DCT: variants seen among roughly 807,000 people sequenced by gnomAD.
DCT encodes L-dopachrome tautomerase.
A neutral mutation model predicts 53.0 loss-of-function variants in DCT; 47 were observed. The ratio of observed to expected loss-of-function variants is 0.89; its 90% CI spans 0.70 to 1.13. The LOEUF (loss-of-function observed/expected upper bound fraction) is 1.13. Ranked by LOEUF, DCT falls within the 50% of genes most tolerant of loss-of-function variation. The probability of loss-of-function intolerance (pLI) is 0.00; values close to 1 mark genes in which losing one functional copy is unlikely to be tolerated. For synonymous variants in DCT, 244 were observed against 237.0 expected, an observed-to-expected ratio of 1.03 and a Z score of -0.27; for missense variants, 669 against 637.4, an observed-to-expected ratio of 1.05 and a Z score of -0.53.
chr13:94,523,757 G>C, the DCT span, among the ~76,000 whole-genome samples: 1,890 of 152,206 alleles, frequency 0.012, 43 homozygotes, highest in African/African-American at 0.043. Flanking sequence ...TTCTTGTCCT[G>C]TATTTACACC....
chr13:94,474,074 A>C (rs1884921476), intron 1 of DCT, among the ~76,000 whole-genome samples: 1 of 152,222 alleles, frequency 6.6e-6, no homozygotes, highest in African/African-American at 2.4e-5. Context: ...TTAATCTACC[A>C]ATGCAAAAAA....
the DCT span, among the ~76,000 whole-genome samples, chr13:94,525,096 A>G: frequency 7.1e-6 from 1 of 140,344 alleles, no homozygotes; most frequent in African/African-American, 2.8e-5. Flanking sequence ...AGCGCTGTGA[A>G]GTGATACCTT....
At chr13:94,511,613 C>A in the DCT span, among the ~76,000 whole-genome samples, 2 of 151,960 alleles carry the variant, frequency 1.3e-5, no homozygotes, top group Non-Finnish European at 2.9e-5. Flanking sequence ...ACTTGCCTTG[C>A]CCTCCCAAAG....
chr13:94,484,795 G>A, the DCT span, among the ~76,000 whole-genome samples: 3 of 152,080 alleles, frequency 2.0e-5, no homozygotes, highest in Non-Finnish European at 4.4e-5. Context: ...AATCTCCTCT[G>A]TAAAGGCCCT....
At chr13:94,527,342 C>A in the DCT span, among the ~76,000 whole-genome samples, 1 of 152,336 alleles carries the variant, frequency 6.6e-6, no homozygotes, top group Admixed American at 6.5e-5. Context: ...GGGTCCCTGA[C>A]CCCTGTGTAG....
chr13:94,525,855 G>C, the DCT span, among the ~76,000 whole-genome samples: 1 of 152,088 alleles, frequency 6.6e-6, no homozygotes, highest in East Asian at 1.9e-4. Flanking sequence ...AGCCAGGCGT[G>C]GTGGTGCCAT....
the DCT span, among the ~76,000 whole-genome samples, chr13:94,514,056 G>A: frequency 6.6e-6 from 1 of 151,128 alleles, no homozygotes; most frequent in African/African-American, 2.4e-5. Context: ...AAAAGGTCAG[G>A]GATTGGCGAC....
At chr13:94,488,391 TAG>T in the DCT span, among the ~76,000 whole-genome samples, 324 of 152,260 alleles carry the variant, frequency 2.1e-3, 2 homozygotes, top group Non-Finnish European at 3.6e-3. Context: ...ATGTACAATT[TAG>T]ACTGTTCAGG....
chr13:94,536,922 C>T, the DCT span, among the ~76,000 whole-genome samples: 41 of 152,144 alleles, frequency 2.7e-4, 1 homozygote, highest in South Asian at 1.0e-3. Context: ...CCAACCTGGG[C>T]AACAGAGAGA....
At chr13:94,522,851 A>C in the DCT span, among the ~76,000 whole-genome samples, 3 of 152,218 alleles carry the variant, frequency 2.0e-5, no homozygotes, top group African/African-American at 7.2e-5. Flanking sequence ...GCCAGAACTC[A>C]AACTCAGGCC....
Position 94,468,825 on chromosome 13 carries a change from G to A in DCT, c.516C>T (p.Thr172=). 1 of 1,614,172 alleles carries A rather than the reference G, an allele frequency of 6.2e-7. No homozygotes were observed. The highest frequency in any genetic ancestry group is 1.3e-5 in the African/African-American group (1 of 75,040). Residue 172 remains threonine, a synonymous_variant, in exon 2 of 8, where the codon ACC becomes ACT. Transcript: ENST00000377028. The part of the protein sequence containing the change: ...HWLGLLGPNG[T]QPQFANCSVY... ...CACTGCAGTTGGCAAACTGCGGCTGGGTTCCATTGGGCCCAAGCAGGCCCA... is the reference window on the plus strand; with the variant it reads ...CACTGCAGTTGGCAAACTGCGGCTGAGTTCCATTGGGCCCAAGCAGGCCCA...
the DCT span, among the ~76,000 whole-genome samples, chr13:94,516,224 A>T: frequency 2.0e-5 from 3 of 152,052 alleles, no homozygotes; most frequent in Non-Finnish European, 4.4e-5. Context: ...AATTTTCTCC[A>T]AGTAGGAAAA....
In DCT at chr13:94,466,648, G is replaced by A. The variant is rs1249690789; in HGVS notation, c.606C>T (p.Arg202=). 1.9e-6 allele frequency: 3 copies of A among 1,601,812 alleles called. No individual in the cohort carries two copies. Among genetic ancestry groups the A allele is most frequent in the African/African-American group, 2.7e-5 (2 of 74,292 alleles). The change falls in exon 3 of 8, where the codon CGC becomes CGT. Residue 202 remains arginine (R), a synonymous_variant. Coordinates refer to ENST00000377028, the MANE Select transcript of DCT (RefSeq NM_001922.5). ...SVRDTLLGPG[R]PYRAIDFSHQ... ...GTGAGAAATCTATGGCCCTGTAGGG[G>A]CGTCCTGGTCCTGAAACAATTGGGA...
At chr13:94,457,356 G>C (rs370114987) in intron 6 of DCT, among the ~76,000 whole-genome samples, 22 of 152,258 alleles carry the variant, frequency 1.4e-4, no homozygotes, top group African/African-American at 4.8e-4. Flanking sequence ...GGAGGCATCA[G>C]AGAGTTTATT....
the DCT span, among the ~76,000 whole-genome samples, chr13:94,536,457 G>C: frequency 2.6e-5 from 4 of 152,152 alleles, no homozygotes; most frequent in African/African-American, 4.8e-5. Context: ...GTGGGGCCTG[G>C]TGGGAGGTGT....
chr13:94,443,745 C>A, intron 6 of DCT, 108 bp from the exon 7 acceptor site: 1 of 865,000 alleles, frequency 1.2e-6, no homozygotes, highest in Non-Finnish European at 1.8e-6. Flanking sequence ...GACATAGGAA[C>A]TTCTGTATAC....
At chr13:94,501,878 T>C in the DCT span, among the ~76,000 whole-genome samples, 57,114 of 151,904 alleles carry the variant, frequency 0.38, 11,223 homozygotes, top group East Asian at 0.61. Context: ...ATGTTTCAGC[T>C]TAAGGAAGCT....
chr13:94,497,265 C>T, the DCT span, among the ~76,000 whole-genome samples: 71 of 152,158 alleles, frequency 4.7e-4, no homozygotes, highest in Non-Finnish European at 6.0e-4. Flanking sequence ...CAGACTTGAA[C>T]GGTAACCCTT....
At chr13:94,511,613 C>G in the DCT span, among the ~76,000 whole-genome samples, 1 of 151,958 alleles carries the variant, frequency 6.6e-6, no homozygotes, top group Admixed American at 6.6e-5. Context: ...ACTTGCCTTG[C>G]CCTCCCAAAG....
Sources: allele counts gnomAD v4.1 joint callset (sites outside exome capture counted in the v4.1 genomes callset), GRCh38; gene constraint gnomAD v4.1.1; transcripts MANE v1.5; gene names NCBI Gene and HGNC (gene_info 2026-07-23, HGNC 2026-07-21).